Variants in SPTA1 observed in about 807,000 individuals in gnomAD.
SPTA1 encodes spectrin alpha chain, erythrocytic 1.
In SPTA1, 177 loss-of-function variants were observed where a neutral mutation model predicts 324.7. The observed-to-expected ratio is 0.55, with a 90% CI of 0.48 to 0.62. The LOEUF (loss-of-function observed/expected upper bound fraction) is 0.62, where lower values mean the gene tolerates loss of function less well. SPTA1 is among the 20% of genes least tolerant of loss of function. SPTA1 has a pLI of 0.00. For missense variants in SPTA1, 3,162 were observed against 2,883.6 expected (o/e 1.10, Z -2.21); for synonymous variants, 1,195 against 1,041.3 (o/e 1.15, Z -2.84).
chr1:158,651,909 CTG>C (rs1553231095), intron 23 of SPTA1, among the ~76,000 whole-genome samples: 22 of 145,122 alleles, frequency 1.5e-4, no homozygotes, highest in Middle Eastern at 6.9e-3. Context: ...CTCTCTCTCT[CTG>C]TGTGTGTGTG....
At chr1:158,677,450 G>C (rs967172250) in intron 7 of SPTA1, among the ~76,000 whole-genome samples, 2 of 152,060 alleles carry the variant, frequency 1.3e-5, no homozygotes, top group Non-Finnish European at 2.9e-5. Context: ...GAAAACACAA[G>C]AGAATATAAA....
chr1:158,670,431 C>T (rs1285362560), intron 12 of SPTA1, among the ~76,000 whole-genome samples: 4 of 152,194 alleles, frequency 2.6e-5, no homozygotes, highest in Non-Finnish European at 5.9e-5. Flanking sequence ...ACAGAAAGGA[C>T]ACACATATCA....
chr1:158,676,852 C>G (rs1324234453), intron 7 of SPTA1, among the ~76,000 whole-genome samples: 1 of 152,134 alleles, frequency 6.6e-6, no homozygotes, highest in Non-Finnish European at 1.5e-5. Flanking sequence ...TCATCATACT[C>G]AACTATAATC....
At chr1:158,686,248 A>G (rs1218570962) in intron 1 of SPTA1, among the ~76,000 whole-genome samples, 1 of 152,216 alleles carries the variant, frequency 6.6e-6, no homozygotes, top group African/African-American at 2.4e-5. Context: ...ACTAGGTGTT[A>G]TTTAGCTTCA....
chr1:158,642,783 AAATTTTCCAAGATTCCTATTTTG>A lies in SPTA1; in HGVS notation c.4605+8_4605+30del. 1.2e-6 allele frequency: 2 copies of A among 1,613,758 alleles called. No homozygotes were observed. The highest frequency in any genetic ancestry group is 1.7e-6 in the Non-Finnish European group (2 of 1,179,782). ...TCCAACCAACAAGCTCGGAATGGTG[AAATTTTCCAAGATTCCTATTTTG>A]AACTTGCCTGAATGTTAGTGGCGTC... On this transcript the variant is annotated splice_region_variant and intron_variant, in intron 32 of 51. Transcript: ENST00000643759.
intron 41 of SPTA1, 89 bp downstream of exon 41, chr1:158,626,750 C>A: frequency 6.4e-7 from 1 of 1,553,104 alleles, no homozygotes; most frequent in Non-Finnish European, 8.9e-7. Flanking sequence ...TCCTTTCATA[C>A]AGTAAAAGTC....
chr1:158,674,210 A>G (rs1006249214), intron 10 of SPTA1, 119 bp downstream of exon 10: 7 of 1,066,028 alleles, frequency 6.6e-6, no homozygotes, highest in African/African-American at 6.2e-5. Context: ...GATTCATATT[A>G]TTAACACGTT....
chr1:158,612,893 G>C lies in SPTA1; in HGVS notation c.7058C>G (p.Ser2353Cys). The C allele has an allele frequency of 6.2e-7, 1 of 1,613,796 alleles. No individual in the cohort carries two copies. Among genetic ancestry groups the C allele is most frequent in the Non-Finnish European group, 8.5e-7 (1 of 1,179,780 alleles). The change falls in exon 51 of 52, where the codon TCC becomes TGC. Residue 2353 changes from serine (S) to cysteine (C), a missense_variant. Ser to Cys is a moderately radical substitution (Grantham distance 112). Coordinates refer to ENST00000643759, the MANE Select transcript of SPTA1 (RefSeq NM_003126.4). ...LIDKESENIK[S>C]SDEIENAFQA... is the part of the protein sequence containing the mutation. Reference sequence around the variant, plus strand: ...GAAGGCATTCTCTATTTCATCACTGGACTTGATGTTTTCTGACTCCTTGTC... The same window carrying C: ...GAAGGCATTCTCTATTTCATCACTGCACTTGATGTTTTCTGACTCCTTGTC...
Position 158,686,525 on chromosome 1 carries a change from A to G in SPTA1, c.-8T>C. On this transcript the variant is annotated 5_prime_UTR_variant, in exon 1 of 52. Transcript: ENST00000643759. Reference sequence around the variant, plus strand: ...CTTTGGAAATTGCTCCATTTTTCCTAAAGGTTTAGAACCTGGCAAGATAAA... The same window carrying G: ...CTTTGGAAATTGCTCCATTTTTCCTGAAGGTTTAGAACCTGGCAAGATAAA... 6.3e-7 allele frequency: 1 copy of G among 1,592,866 alleles called. No homozygotes were observed. Among genetic ancestry groups the G allele is most frequent in the Non-Finnish European group, 8.6e-7 (1 of 1,162,400 alleles).
intron 20 of SPTA1, among the ~76,000 whole-genome samples, chr1:158,655,146 T>G: frequency 6.6e-6 from 1 of 152,198 alleles, no homozygotes; most frequent in East Asian, 1.9e-4. Flanking sequence ...TGTCGTCACC[T>G]TTCCCTGTAC....
intron 39 of SPTA1, among the ~76,000 whole-genome samples, chr1:158,628,785 C>T (rs1650467153): frequency 6.6e-6 from 1 of 151,722 alleles, no homozygotes; most frequent in South Asian, 2.1e-4. Flanking sequence ...TAAAAGAGAT[C>T]ACAAGAAAAG....
chr1:158,665,123 C>T (rs1163823820), intron 16 of SPTA1, among the ~76,000 whole-genome samples: 1 of 152,156 alleles, frequency 6.6e-6, no homozygotes, highest in Non-Finnish European at 1.5e-5. Context: ...CAAATGGTGT[C>T]ACACACTCCT....
chr1:158,630,749 G>T, intron 39 of SPTA1, among the ~76,000 whole-genome samples: 1 of 151,466 alleles, frequency 6.6e-6, no homozygotes, highest in East Asian at 1.9e-4. Flanking sequence ...CCTAATAAGG[G>T]GTTAATCTCT....
intron 38 of SPTA1, among the ~76,000 whole-genome samples, chr1:158,635,160 C>T (rs116226941): frequency 0.019 from 2,881 of 152,172 alleles, 45 homozygotes; most frequent in South Asian, 0.059. Flanking sequence ...GTTTCCCCAC[C>T]CAAATCTCAT....
chr1:158,647,731 A>G lies in SPTA1; in HGVS notation c.3715-11T>C, dbSNP rs147184530. The G allele has an allele frequency of 1.6e-4, 256 of 1,613,742 alleles. No individual in the cohort carries two copies. In the African/African-American group the frequency reaches 3.1e-3, roughly 20 times the overall value. Reference sequence around the variant, plus strand: ...CCCCAGTATGGTCACCTGGGGAGGTACAATAGCTCTGATAATCAGCCTAGA... The same window carrying G: ...CCCCAGTATGGTCACCTGGGGAGGTGCAATAGCTCTGATAATCAGCCTAGA... On this transcript the variant is annotated splice_polypyrimidine_tract_variant and intron_variant, in intron 26 of 51. Transcript: ENST00000643759.
intron 1 of SPTA1, among the ~76,000 whole-genome samples, chr1:158,686,231 CGTT>C (rs1347329541): frequency 6.6e-6 from 1 of 152,190 alleles, no homozygotes; most frequent in African/African-American, 2.4e-5. Context: ...TGGAGACTCA[CGTT>C]GTTACTAGGT....
At chr1:158,673,290 C>A (rs1654158171) in intron 10 of SPTA1, among the ~76,000 whole-genome samples, 2 of 152,114 alleles carry the variant, frequency 1.3e-5, no homozygotes, top group South Asian at 4.2e-4. Context: ...TTATCTCAAC[C>A]TCATCCACTG....
rs974211819 is a variant in SPTA1, at chr1:158,683,245, G to A, written c.390+126C>T. ...ATCATTTTTTATGCCTCAACCCCAG[G>A]GGAAGATAAGAGGCAGGAGTCCTGG... On this transcript the variant is annotated intron_variant, in intron 3 of 51. Transcript: ENST00000643759. 43 of 1,350,890 alleles carry A rather than the reference G, an allele frequency of 3.2e-5. No individual in the cohort carries two copies. In the Middle Eastern group the frequency reaches 5.7e-4, roughly 18 times the overall value. The allele number at this position is 1,350,890 out of a possible 1,614,324, so 83.7% of individuals were successfully genotyped here. A position where few individuals can be genotyped will look rare whatever the true frequency, so the allele number is the denominator to read the frequency against.
At chr1:158,671,034 T>C (rs1653988235) in intron 12 of SPTA1, among the ~76,000 whole-genome samples, 1 of 152,114 alleles carries the variant, frequency 6.6e-6, no homozygotes, top group African/African-American at 2.4e-5. Flanking sequence ...CAGATATGCT[T>C]TGTAGAACAA....
Sources: allele counts gnomAD v4.1 joint callset (sites outside exome capture counted in the v4.1 genomes callset), GRCh38; gene constraint gnomAD v4.1.1; transcripts MANE v1.5; gene names NCBI Gene and HGNC (gene_info 2026-07-23, HGNC 2026-07-21).